DPP10: variants seen among roughly 807,000 people sequenced by gnomAD.
DPP10 encodes the protein inactive dipeptidyl peptidase 10.
DPP10 carries 33 observed loss-of-function variants against 120.9 expected under a neutral mutation model. The ratio of observed to expected loss-of-function variants is 0.27; its 90% CI spans 0.21 to 0.37. DPP10 has a LOEUF of 0.37. Among genes scored for constraint, DPP10 ranks in the 10% least tolerant of loss-of-function variants. The pLI is 1.00. For synonymous variants in DPP10, 337 were observed against 326.1 expected (o/e 1.03, Z -0.36); for missense variants, 816 against 942.8 (o/e 0.87, Z 1.76).
At chr2:115,693,015 C>A (rs189718122) in intron 7 of DPP10, among the ~76,000 whole-genome samples, 1 of 152,068 alleles carries the variant, frequency 6.6e-6, no homozygotes, top group Non-Finnish European at 1.5e-5. Flanking sequence ...GTCCTTTCCA[C>A]ACTAAATGGT....
rs535482302 is a variant in DPP10, at chr2:115,000,173, A to T, written c.61-309066A>T. On this transcript the variant is annotated intron_variant, in intron 1 of 25. Transcript: ENST00000410059. ...TTTTCTACACAAGAACCAATCTAGT[A>T]TTGGGCCCTCATTTTAATTAGATTT... Among the ~76,000 whole-genome samples, 3 of 152,076 alleles carry T rather than the reference A, an allele frequency of 2.0e-5. No individual in the cohort carries two copies. In the East Asian group the frequency reaches 5.8e-4, roughly 29 times the overall value.
chr2:114,453,217 A>G (rs1678383057), intron 1 of DPP10, among the ~76,000 whole-genome samples: 1 of 152,190 alleles, frequency 6.6e-6, no homozygotes, highest in Non-Finnish European at 1.5e-5. Flanking sequence ...AGGCAATGCC[A>G]TGATCCAAGC....
intron 19 of DPP10, among the ~76,000 whole-genome samples, chr2:115,799,184 C>T (rs1255316788): frequency 6.6e-6 from 1 of 151,940 alleles, no homozygotes; most frequent in Non-Finnish European, 1.5e-5. Flanking sequence ...GCTGTGTCTG[C>T]GCCACTATGA....
chr2:115,325,924 C>T (rs1302635397), intron 2 of DPP10, among the ~76,000 whole-genome samples: 1 of 152,006 alleles, frequency 6.6e-6, no homozygotes, highest in Non-Finnish European at 1.5e-5. Flanking sequence ...ATGTTAATAG[C>T]TATTTCAGAT....
chr2:114,492,992 A>G (rs1252813971), intron 1 of DPP10, among the ~76,000 whole-genome samples: 1 of 152,202 alleles, frequency 6.6e-6, no homozygotes, highest in Non-Finnish European at 1.5e-5. Flanking sequence ...GCACACAGGT[A>G]CTATGAGAAA....
intron 1 of DPP10, among the ~76,000 whole-genome samples, chr2:114,992,797 A>G (rs1417966488): frequency 6.6e-6 from 1 of 152,240 alleles, no homozygotes; most frequent in South Asian, 2.1e-4. Context: ...TTTAAAATCG[A>G]TGACATCAGA....
rs1040278295 is a variant in DPP10 at position 115,240,199 on chromosome 2, A to C, written c.61-69040A>C. Among the ~76,000 whole-genome samples, 12 of 152,284 alleles carry C rather than the reference A, an allele frequency of 7.9e-5. No individual in the cohort carries two copies. In the East Asian group the frequency reaches 2.3e-3, roughly 29 times the overall value. ...CCACAGTGTCTTCCACAGTTGTTGA[A>C]CTAATTTGCACTCCCACCAACAGTG... On this transcript the variant is annotated intron_variant, in intron 1 of 25. Transcript: ENST00000410059.
rs1056703375 is a variant in DPP10 at position 115,122,044 on chromosome 2, A to C, written c.61-187195A>C. Among the ~76,000 whole-genome samples, 5 of 150,402 alleles carry C rather than the reference A, an allele frequency of 3.3e-5. No individual in the cohort carries two copies. The South Asian group carries it at 1.0e-3, about 31-fold the overall frequency. ...ACTATATGTGCAGAAAGAACAAAGG[A>C]GAGAAGAAAATGAAGACATCCTTTC... On this transcript the variant is annotated intron_variant, in intron 1 of 25. Transcript: ENST00000410059.
intron 1 of DPP10, among the ~76,000 whole-genome samples, chr2:115,000,905 G>GA (rs5833571): frequency 0.4 from 61,289 of 151,906 alleles, 12,577 homozygotes; most frequent in South Asian, 0.55. Flanking sequence ...GATTATACAA[G>GA]AAAAAATTGA....
At chr2:114,660,614 G>T (rs1465983557) in intron 1 of DPP10, among the ~76,000 whole-genome samples, 2 of 152,204 alleles carry the variant, frequency 1.3e-5, no homozygotes, top group Non-Finnish European at 2.9e-5. Context: ...TTGCACTGCT[G>T]AGGAAACTCT....
At chr2:115,366,188 G>A (rs951071222) in intron 3 of DPP10, among the ~76,000 whole-genome samples, 1 of 151,620 alleles carries the variant, frequency 6.6e-6, no homozygotes, top group African/African-American at 2.4e-5. Flanking sequence ...TAATGCTCTG[G>A]ATGACTCTCC....
chr2:115,683,450 C>T (rs759341995), intron 5 of DPP10, among the ~76,000 whole-genome samples: 15 of 151,848 alleles, frequency 9.9e-5, no homozygotes, highest in East Asian at 3.9e-4. Flanking sequence ...TCATAACTCA[C>T]GGAATATACA....
intron 1 of DPP10, among the ~76,000 whole-genome samples, chr2:114,933,291 C>T (rs1475882004): frequency 6.6e-6 from 1 of 152,066 alleles, no homozygotes; most frequent in Non-Finnish European, 1.5e-5. Flanking sequence ...ATTGGTGCTG[C>T]CTGGGTACCT....
intron 7 of DPP10, among the ~76,000 whole-genome samples, chr2:115,724,348 G>T (rs1050596681): frequency 6.6e-6 from 1 of 152,150 alleles, no homozygotes; most frequent in Non-Finnish European, 1.5e-5. Flanking sequence ...CAGAAGAGAA[G>T]GTGGCAAATT....
intron 1 of DPP10, among the ~76,000 whole-genome samples, chr2:115,173,438 G>T (rs1009093835): frequency 6.6e-6 from 1 of 152,138 alleles, no homozygotes; most frequent in Non-Finnish European, 1.5e-5. Context: ...ACCTCAAAAT[G>T]AGTCATTCTG....
At chr2:115,030,335 C>T (rs1225343979) in intron 1 of DPP10, among the ~76,000 whole-genome samples, 1 of 152,022 alleles carries the variant, frequency 6.6e-6, no homozygotes, top group Non-Finnish European at 1.5e-5. Flanking sequence ...CTCTATTAAT[C>T]TTGTCCTGAA....
chr2:115,284,746 G>A (rs932359571), intron 1 of DPP10, among the ~76,000 whole-genome samples: 3 of 151,946 alleles, frequency 2.0e-5, no homozygotes, highest in Non-Finnish European at 4.4e-5. Context: ...ATACCATGCA[G>A]AAGAGGTTGG....
At chr2:115,339,118 C>G (rs1270136193) in intron 2 of DPP10, among the ~76,000 whole-genome samples, 2 of 152,124 alleles carry the variant, frequency 1.3e-5, no homozygotes, top group Non-Finnish European at 2.9e-5. Context: ...AACAAACACA[C>G]CAACGAAATA....
At chr2:115,091,505 G>T (rs1709253885) in intron 1 of DPP10, among the ~76,000 whole-genome samples, 1 of 151,952 alleles carries the variant, frequency 6.6e-6, no homozygotes, top group African/African-American at 2.4e-5. Context: ...CACCACATAG[G>T]AAAAGTTACA....
Sources: gnomAD v4.1 joint callset for allele counts (sites outside exome capture counted in the v4.1 genomes callset) on GRCh38, gnomAD v4.1.1 for gene constraint, MANE v1.5 for transcripts, NCBI Gene and HGNC (gene_info 2026-07-23, HGNC 2026-07-21) for gene names.